EPM2A: variants seen among roughly 807,000 people sequenced by gnomAD.
EPM2A encodes the protein laforin.
In EPM2A, 21 loss-of-function variants were observed where a neutral mutation model predicts 26.5. The observed-to-expected ratio is 0.79, with a 90% confidence interval of 0.56 to 1.14. The LOEUF is 1.14. EPM2A is among the 50% of genes most tolerant of loss of function. EPM2A has a pLI of 0.00. For missense variants in EPM2A, 458 were observed against 440.8 expected (o/e 1.04, Z -0.35); for synonymous variants, 217 against 177.6 (o/e 1.22, Z -1.76).
At chr6:145,696,788 T>A (rs1017676683) in intron 1 of EPM2A, among the ~76,000 whole-genome samples, 6 of 130,410 alleles carry the variant, frequency 4.6e-5, no homozygotes, top group Admixed American at 2.9e-4. Flanking sequence ...TGTGTGTGTG[T>A]GTGTGTGTGT....
At chr6:145,652,614 C>A (rs1210744477) in intron 2 of EPM2A, among the ~76,000 whole-genome samples, 1 of 151,922 alleles carries the variant, frequency 6.6e-6, no homozygotes, top group East Asian at 1.9e-4. Flanking sequence ...CCCTAGAACA[C>A]TCCCCTCATA....
rs1338333537 is a variant in EPM2A at position 145,683,288 on chromosome 6, TGTGTGTGTGTGTGTGTGTGA to T, written c.476+2814_476+2833del. 6.0e-5 allele frequency among the ~76,000 whole-genome samples: 9 copies of T among 149,568 alleles called. No individual in the cohort carries two copies. The East Asian group carries it at 9.9e-4, about 16-fold the overall frequency. On this transcript the variant is annotated intron_variant, in intron 2 of 3. Coordinates refer to ENST00000367519, the MANE Select transcript of EPM2A (RefSeq NM_005670.4). The stretch of plus-strand genomic sequence containing the variant: ...GATTTGGTGTGTGTGTGTGTGTGTG[TGTGTGTGTGTGTGTGTGTGA>T]GTGTGTATATATTAGATTATATATT...
intron 4 of EPM2A, among the ~76,000 whole-genome samples, chr6:145,488,904 C>A (rs1467701231): frequency 6.6e-6 from 1 of 152,006 alleles, no homozygotes; most frequent in Non-Finnish European, 1.5e-5. Flanking sequence ...CGAACTTAAG[C>A]GAAAAATAAC....
chr6:145,680,045 CA>C (rs766015203), intron 2 of EPM2A: 3 of 151,810 alleles, frequency 2.0e-5, no homozygotes, highest in Non-Finnish European at 4.4e-5. Flanking sequence ...GATCTAAAAC[CA>C]AACAGTAGTA....
chr6:145,491,985 G>T, intron 4 of EPM2A: 1 of 440,940 alleles, frequency 2.3e-6, no homozygotes, highest in East Asian at 5.7e-5. Context: ...CAATCAGGAT[G>T]ATGTCAGTAA....
intron 1 of EPM2A, among the ~76,000 whole-genome samples, chr6:145,691,322 C>T (rs1001583225): frequency 2.6e-5 from 4 of 151,844 alleles, no homozygotes; most frequent in African/African-American, 9.7e-5. Flanking sequence ...CAGAAGTCAC[C>T]AAAGGAAGTG....
At chr6:145,433,942 GTTA>G (rs1367009915) in intron 4 of EPM2A, among the ~76,000 whole-genome samples, 1 of 151,834 alleles carries the variant, frequency 6.6e-6, no homozygotes, top group African/African-American at 2.4e-5. Context: ...GCAGAAATTT[GTTA>G]TTATTATTAC....
intron 2 of EPM2A, among the ~76,000 whole-genome samples, chr6:145,618,984 G>A (rs1378757124): frequency 6.6e-6 from 1 of 152,104 alleles, no homozygotes; most frequent in Non-Finnish European, 1.5e-5. Flanking sequence ...TGGACAGAGG[G>A]GAGTAGTTAT....
chr6:145,623,394 A>C (rs1775678109), downstream of EPM2A, among the ~76,000 whole-genome samples: 1 of 152,194 alleles, frequency 6.6e-6, no homozygotes, highest in African/African-American at 2.4e-5. Flanking sequence ...AGAGTGAGCC[A>C]TGTGCATACC....
intron 2 of EPM2A, among the ~76,000 whole-genome samples, chr6:145,593,698 A>T (rs1781304434): frequency 6.6e-6 from 1 of 152,030 alleles, no homozygotes; most frequent in African/African-American, 2.4e-5. Flanking sequence ...CAAAGAAAAA[A>T]TTCTCCAGAG....
chr6:145,449,888 T>C lies in EPM2A; in HGVS notation c.555+52634A>G, dbSNP rs569648810. Among the ~76,000 whole-genome samples the C allele has an allele frequency of 2.0e-5, 3 of 152,280 alleles. No homozygotes were observed. The South Asian group carries it at 6.2e-4, about 32-fold the overall frequency. ...TTTATTACAAAGTTATTTTAATGAT[T>C]AGTTATGCCATAATGGCTATATGAA... is the stretch of plus-strand genomic sequence containing the variant. On this transcript the variant is annotated intron_variant, in intron 4 of 4. Coordinates refer to the EPM2A transcript ENST00000638717.
intron 1 of EPM2A, among the ~76,000 whole-genome samples, chr6:145,700,345 T>A (rs933101771): frequency 6.6e-6 from 1 of 152,166 alleles, no homozygotes; most frequent in African/African-American, 2.4e-5. Flanking sequence ...AGACTTTTGT[T>A]GTTGTTGTTA....
rs1314516182 is a variant in EPM2A, at chr6:145,686,050, G to C, written c.476+72C>G. On this transcript the variant is annotated intron_variant, in intron 2 of 3. Transcript: ENST00000367519. ...GTGAGGCACTGCAGTTTCGAACACA[G>C]TAAATATTTCCATTGTGCTAATGCT... The C allele has an allele frequency of 7.0e-6, 10 of 1,419,954 alleles. No homozygotes were observed. The East Asian group carries it at 2.1e-4, about 29-fold the overall frequency. The allele number at this position is 1,419,954 out of a possible 1,614,324, so 88.0% of individuals were successfully genotyped here. A position where few individuals can be genotyped will look rare whatever the true frequency, so the allele number is the denominator to read the frequency against.
intron 2 of EPM2A, among the ~76,000 whole-genome samples, chr6:145,569,858 T>C (rs1780932111): frequency 6.6e-6 from 1 of 151,780 alleles, no homozygotes. Context: ...AATATACATA[T>C]ATATATATAA....
At chr6:145,603,668 T>C (rs907410334) in intron 2 of EPM2A, among the ~76,000 whole-genome samples, 1 of 152,236 alleles carries the variant, frequency 6.6e-6, no homozygotes, top group Non-Finnish European at 1.5e-5. Context: ...ATTTAACACA[T>C]TCTATTGAAA....
At chr6:145,450,890 G>T (rs1301033908) in intron 4 of EPM2A, among the ~76,000 whole-genome samples, 18 of 150,392 alleles carry the variant, frequency 1.2e-4, no homozygotes, top group Non-Finnish European at 8.9e-5. Flanking sequence ...TATATACTTT[G>T]TCTTTTTTTT....
chr6:145,554,126 G>T (rs193058915), intron 2 of EPM2A, among the ~76,000 whole-genome samples: 3 of 151,982 alleles, frequency 2.0e-5, no homozygotes, highest in East Asian at 3.9e-4. Context: ...TGTGCTGGCT[G>T]CTGGGGATAC....
downstream of EPM2A, among the ~76,000 whole-genome samples, chr6:145,497,880 C>T (rs966283351): frequency 3.3e-5 from 5 of 152,220 alleles, no homozygotes; most frequent in Non-Finnish European, 7.3e-5. Context: ...TAGGCTTGGG[C>T]TCGCCAAAGC....
chr6:145,643,843 GAA>G (rs34841136), intron 2 of EPM2A, among the ~76,000 whole-genome samples: 10,602 of 149,318 alleles, frequency 0.071, 1,234 homozygotes, highest in African/African-American at 0.24. Context: ...ATAATTTTCT[GAA>G]AAAAAAAAAT....
Sources: allele counts gnomAD v4.1 joint callset (sites outside exome capture counted in the v4.1 genomes callset), GRCh38; gene constraint gnomAD v4.1.1; transcripts MANE v1.5; gene names NCBI Gene and HGNC (gene_info 2026-07-23, HGNC 2026-07-21).